TAF6: variants seen among roughly 807,000 people sequenced by gnomAD.
TAF6 encodes the protein TATA-box binding protein associated factor 6.
Under a neutral mutation model 73.5 loss-of-function variants are expected in TAF6, and 50 were observed. That is an observed-to-expected ratio of 0.68 (90% confidence interval 0.54 to 0.86). The LOEUF is 0.86. Among genes scored for constraint, TAF6 ranks in the 40% least tolerant of loss-of-function variants. The probability of loss-of-function intolerance (pLI) is 0.00; values close to 1 mark genes in which losing one functional copy is unlikely to be tolerated. For synonymous variants in TAF6, 424 were observed against 376.7 expected (o/e 1.13, Z -1.45); for missense variants, 768 against 899.5 (o/e 0.85, Z 1.87).
At chr7:100,110,419 C>A in intron 10 of TAF6, 145 bp from the exon 11 acceptor site, 1 of 850,662 alleles carries the variant, frequency 1.2e-6, no homozygotes, top group Non-Finnish European at 1.8e-6. Flanking sequence ...GTAATCCCAG[C>A]ACTTTGGGAG....
upstream of TAF6, among the ~76,000 whole-genome samples, chr7:100,121,825 C>T (rs191550866): frequency 0.023 from 3,430 of 151,184 alleles, 134 homozygotes; most frequent in African/African-American, 0.08. Context: ...CCAAGGCGGG[C>T]GGATCACAAG....
At chr7:100,118,745 G>C in intron 1 of TAF6, 7 of 436,896 alleles carry the variant, frequency 1.6e-5, no homozygotes, top group Non-Finnish European at 2.1e-5. Context: ...GAGTAGTACA[G>C]GTAGGGTGGG....
In TAF6 at chr7:100,113,331, G is replaced by A. The variant is rs1430639240; in HGVS notation, c.454+18C>T. 6.3e-7 allele frequency: 1 copy of A among 1,575,082 alleles called. No homozygotes were observed. On this transcript the variant is annotated intron_variant, in intron 5 of 14. Transcript: ENST00000453269. ...GGAAAGGGACCCAGAGACCCAGAGG[G>A]TGGGGCATGGAGGTTACCTGGGGGC...
rs1226585085 is a variant in TAF6, at chr7:100,111,187, G to A, written c.1035C>T (p.Ser345=). The change falls in exon 10 of 15, where the codon AGC becomes AGT. Residue 345 remains serine (S), a synonymous_variant. Coordinates refer to ENST00000453269, the MANE Select transcript of TAF6 (RefSeq NM_139315.3). ...GGGACTGGATGTTGTTAGTGGTTGTGCTAAAATGCTTGCAGATCTGGGCCA... is the reference window on the plus strand; with the variant it reads ...GGGACTGGATGTTGTTAGTGGTTGTACTAAAATGCTTGCAGATCTGGGCCA... ...RLVAQICKHF[S]TTTNNIQSRI... is the part of the protein sequence containing the mutation. 1 of 1,614,090 alleles carries A rather than the reference G, an allele frequency of 6.2e-7. No homozygotes were observed. Among genetic ancestry groups the A allele is most frequent in the African/African-American group, 1.3e-5 (1 of 74,930 alleles).
Position 100,114,156 on chromosome 7 carries a change from G to A in TAF6, c.54C>T (p.Ser18=). 1.2e-6 allele frequency: 2 copies of A among 1,614,234 alleles called. No homozygotes were observed. Among genetic ancestry groups the A allele is most frequent in the Non-Finnish European group, 1.7e-6 (2 of 1,180,050 alleles). Residue 18 remains serine, a synonymous_variant, in exon 2 of 15, where the codon TCC becomes TCT. Transcript: ENST00000453269. ...KLSNTVLPSE[S]MKVVAESMGI... ...CCATGGATTCAGCCACCACCTTCATGGACTCCGAGGGCAGCACAGTGTTGC... is the reference window on the plus strand; with the variant it reads ...CCATGGATTCAGCCACCACCTTCATAGACTCCGAGGGCAGCACAGTGTTGC...
chr7:100,124,633 T>G (rs1468300818), upstream of TAF6: 2 of 1,612,670 alleles, frequency 1.2e-6, no homozygotes, highest in Admixed American at 3.3e-5. Flanking sequence ...CTGAAACTGG[T>G]AAGCGTAAGG....
upstream of TAF6, chr7:100,122,048 T>TC (rs1798088714): frequency 1.7e-4 from 52 of 310,000 alleles, no homozygotes; most frequent in South Asian, 1.2e-3. Context: ...AGAGTCCGTC[T>TC]GAAAAAAAAA....
chr7:100,119,411 C>A, upstream of TAF6: 1 of 1,171,718 alleles, frequency 8.5e-7, no homozygotes, highest in Non-Finnish European at 1.1e-6. Flanking sequence ...TGCCCCTTCC[C>A]CGTACCAGAA....
intron 6 of TAF6, 90 bp downstream of exon 6, chr7:100,112,708 C>CT: frequency 6.8e-7 from 1 of 1,479,774 alleles, no homozygotes; most frequent in Non-Finnish European, 9.0e-7. Flanking sequence ...GAGTGAGACT[C>CT]TGTCTCAAAA....
At position 100,114,230 on chromosome 7, in the gene TAF6, C is replaced by T; in HGVS notation, c.-21G>A. 1 of 1,613,910 alleles carries T rather than the reference C, an allele frequency of 6.2e-7. No homozygotes were observed. Among genetic ancestry groups the T allele is most frequent in the Non-Finnish European group, 8.5e-7 (1 of 1,180,042 alleles). Reference sequence around the variant, plus strand: ...GCCATTCTGGAGTCCCTCTTCTCCTCCCTGGAAGGATGAAGCCCCCGGTGG... The same window carrying T: ...GCCATTCTGGAGTCCCTCTTCTCCTTCCTGGAAGGATGAAGCCCCCGGTGG... On this transcript the variant is annotated 5_prime_UTR_variant, in exon 2 of 15. Transcript: ENST00000453269.
upstream of TAF6, chr7:100,119,411 C>T (rs2116876061): frequency 8.5e-7 from 1 of 1,171,718 alleles, no homozygotes; most frequent in Non-Finnish European, 1.1e-6. Context: ...TGCCCCTTCC[C>T]CGTACCAGAA....
At chr7:100,119,930 T>A, upstream of TAF6, 1 of 1,421,726 alleles carries the variant, frequency 7.0e-7, no homozygotes, top group Non-Finnish European at 9.5e-7. Flanking sequence ...CCGGACATCC[T>A]AGCCTGTATT....
At chr7:100,110,304 A>G (rs753832711) in intron 10 of TAF6, 30 bp from the exon 11 acceptor site, 3 of 1,610,994 alleles carry the variant, frequency 1.9e-6, no homozygotes, top group Admixed American at 1.7e-5. Context: ...AACTAAGATG[A>G]AGGGGTCTGA....
chr7:100,107,813 C>G, intron 14 of TAF6, 113 bp downstream of exon 14: 2 of 1,428,674 alleles, frequency 1.4e-6, no homozygotes, highest in Non-Finnish European at 1.9e-6. Context: ...GGCGCCTCTT[C>G]CAGCTCTTGA....
chr7:100,122,960 A>T, upstream of TAF6: 1 of 1,565,200 alleles, frequency 6.4e-7, no homozygotes, highest in Non-Finnish European at 8.7e-7. Flanking sequence ...CTGAGAGGGG[A>T]GCTAGGTTCT....
chr7:100,113,273 ACT>A, intron 5 of TAF6, 74 bp downstream of exon 5: 2 of 1,369,840 alleles, frequency 1.5e-6, no homozygotes, highest in Non-Finnish European at 2.0e-6. Flanking sequence ...ACAGAGTGAG[ACT>A]CTGTCTCAAA....
rs772490087 is a variant in TAF6, at chr7:100,111,283, C to G, written c.939G>C (p.Val313=). 9.3e-6 allele frequency: 15 copies of G among 1,614,090 alleles called. No individual in the cohort carries two copies. Among genetic ancestry groups the G allele is most frequent in the Non-Finnish European group, 1.2e-5 (14 of 1,180,046 alleles). Residue 313 remains valine, a synonymous_variant, in exon 10 of 15, where the codon GTG becomes GTC. Coordinates refer to ENST00000453269, the MANE Select transcript of TAF6 (RefSeq NM_139315.3). ...ELIPAVMTCI[V]SRQLCLRPDV... ...CTGGTCGCAGGCACAACTGTCTGCT[C>G]ACGATGCAGGTCATCACAGCTGGAA...
Position 100,108,072 on chromosome 7 carries a change from G to A in TAF6, c.1510C>T (p.Pro504Ser), listed in dbSNP as rs374002207. 1.2e-6 allele frequency: 2 copies of A among 1,612,008 alleles called. No homozygotes were observed. The highest frequency in any genetic ancestry group is 2.7e-5 in the African/African-American group (2 of 74,902). ...GAGCCAGGAACCTTCAGCAAGCCAG[G>A]GGTGCGAGGGCCAGGCTGTGGGGCC... is the stretch of plus-strand genomic sequence containing the variant. Reference protein sequence around the residue: ...SQAPQPGPRTPGLLKVPGSIA... With the variant: ...SQAPQPGPRTSGLLKVPGSIA... Residue 504 changes from proline to serine, a missense_variant, in exon 14 of 15, where the codon CCT becomes TCT. Transcript: ENST00000453269.
chr7:100,122,153 C>T, upstream of TAF6: 1 of 1,430,376 alleles, frequency 7.0e-7, no homozygotes, highest in Non-Finnish European at 9.6e-7. Context: ...GCCAGTCTGG[C>T]TCCATAGTCT....
Sources: allele counts gnomAD v4.1 joint callset (sites outside exome capture counted in the v4.1 genomes callset), GRCh38; gene constraint gnomAD v4.1.1; transcripts MANE v1.5; gene names NCBI Gene and HGNC (gene_info 2026-07-23, HGNC 2026-07-21).